Variants in BCAR3 observed in about 807,000 individuals in gnomAD.
The protein encoded by BCAR3 is BCAR3 adaptor protein, NSP family member.
BCAR3 carries 37 observed loss-of-function variants against 80.1 expected under a neutral mutation model. The observed-to-expected ratio is 0.46, with a 90% CI of 0.36 to 0.61. The LOEUF (loss-of-function observed/expected upper bound fraction) is 0.61. Ranked by LOEUF, BCAR3 falls within the 20% of genes least tolerant of loss-of-function variation. BCAR3 has a pLI of 0.00. For synonymous variants in BCAR3, 389 were observed against 418.9 expected, an observed-to-expected ratio of 0.93 and a Z score of 0.87; for missense variants, 978 against 1,068.2, an observed-to-expected ratio of 0.92 and a Z score of 1.18.
At chr1:93,767,779 C>G (rs1652205911) in intron 2 of BCAR3, among the ~76,000 whole-genome samples, 1 of 151,850 alleles carries the variant, frequency 6.6e-6, no homozygotes, top group Admixed American at 6.6e-5. Context: ...ATATGATGTT[C>G]CATTAGGATT....
intron 3 of BCAR3, among the ~76,000 whole-genome samples, chr1:93,601,517 A>C (rs747276109): frequency 4.6e-5 from 7 of 152,218 alleles, no homozygotes; most frequent in Non-Finnish European, 1.0e-4. Flanking sequence ...TAACAAGTAT[A>C]TGTATTAGCG....
chr1:93,695,729 G>A (rs1212597193), intron 3 of BCAR3, among the ~76,000 whole-genome samples: 1 of 152,220 alleles, frequency 6.6e-6, no homozygotes, highest in East Asian at 1.9e-4. Context: ...TGCGCTCCCT[G>A]AGGTTGATAA....
At chr1:93,615,229 G>A (rs1675076165) in intron 3 of BCAR3, among the ~76,000 whole-genome samples, 1 of 152,184 alleles carries the variant, frequency 6.6e-6, no homozygotes, top group South Asian at 2.1e-4. Context: ...AGGGAGGTAT[G>A]AGAAATATCC....
In BCAR3 at chr1:93,783,437, TTC is replaced by T. The variant is rs1652832461; in HGVS notation, c.-63+62128_-63+62129del. Among the ~76,000 whole-genome samples the T allele has an allele frequency of 3.3e-5, 5 of 152,308 alleles. No homozygotes were observed. The East Asian group carries it at 9.6e-4, about 29-fold the overall frequency. On this transcript the variant is annotated intron_variant, in intron 2 of 13. Coordinates refer to the BCAR3 transcript ENST00000370244. ...TCTTGCCCTAGGCTCATGTGCAAAGTTCTATGAGAATGTTCAGAGCAGCTGTA... is the reference window on the plus strand; with the variant it reads ...TCTTGCCCTAGGCTCATGTGCAAAGTTATGAGAATGTTCAGAGCAGCTGTA...
chr1:93,756,152 C>T (rs1056508877), intron 2 of BCAR3, among the ~76,000 whole-genome samples: 10 of 152,194 alleles, frequency 6.6e-5, no homozygotes, highest in Non-Finnish European at 1.2e-4. Context: ...GATCTATAAC[C>T]TAAAAGAACC....
At chr1:93,695,353 C>T (rs1474583710) in intron 3 of BCAR3, among the ~76,000 whole-genome samples, 1 of 152,162 alleles carries the variant, frequency 6.6e-6, no homozygotes, top group Admixed American at 6.5e-5. Flanking sequence ...CCCATGAGGC[C>T]ATCAGGCTCC....
chr1:93,572,554 C>G (rs3754190), intron 8 of BCAR3, among the ~76,000 whole-genome samples: 64,297 of 152,146 alleles, frequency 0.42, 16,107 homozygotes, highest in Non-Finnish European at 0.54. Flanking sequence ...AAACAGGAAG[C>G]AGGGTGATCT....
chr1:93,728,896 G>A (rs942722185), intron 2 of BCAR3, among the ~76,000 whole-genome samples: 1 of 151,652 alleles, frequency 6.6e-6, no homozygotes. Context: ...CATTTGGGCA[G>A]GAAAAAAAAA....
intron 2 of BCAR3, among the ~76,000 whole-genome samples, chr1:93,734,822 C>T (rs1032909941): frequency 6.6e-5 from 10 of 152,136 alleles, no homozygotes; most frequent in East Asian, 5.8e-4. Context: ...TAAGGCAGCA[C>T]GGGGCTTTCT....
At chr1:93,807,418 G>C (rs917309243) in intron 2 of BCAR3, among the ~76,000 whole-genome samples, 2 of 152,160 alleles carry the variant, frequency 1.3e-5, no homozygotes, top group Non-Finnish European at 2.9e-5. Context: ...GAGAATGATG[G>C]GTGTGGGAGT....
intron 11 of BCAR3, among the ~76,000 whole-genome samples, chr1:93,563,496 T>C (rs1362018131): frequency 6.6e-6 from 1 of 152,230 alleles, no homozygotes; most frequent in Non-Finnish European, 1.5e-5. Flanking sequence ...TTGTGAACAC[T>C]TGTGTACAAA....
At chr1:93,735,355 T>A (rs1650937760) in intron 2 of BCAR3, among the ~76,000 whole-genome samples, 1 of 152,178 alleles carries the variant, frequency 6.6e-6, no homozygotes, top group Non-Finnish European at 1.5e-5. Flanking sequence ...ATAAGGACCC[T>A]CCTCTCCCAC....
intron 2 of BCAR3, among the ~76,000 whole-genome samples, chr1:93,720,022 G>A (rs1650337519): frequency 6.6e-6 from 1 of 152,132 alleles, no homozygotes; most frequent in Admixed American, 6.5e-5. Context: ...AATTTTCCTG[G>A]GCACTGGTAT....
Position 93,562,195 on chromosome 1 carries a change from G to A in BCAR3, c.*46C>T. On this transcript the variant is annotated 3_prime_UTR_variant, in exon 12 of 12. Coordinates refer to ENST00000260502, the MANE Select transcript of BCAR3 (RefSeq NM_003567.4). ...AACAGTAAGCTTTCCCAAAGATGAA[G>A]CTGGGGAAACTTGAAAAGATATTCT... 1 of 1,552,228 alleles carries A rather than the reference G, an allele frequency of 6.4e-7. No homozygotes were observed. The highest frequency in any genetic ancestry group is 2.3e-5 in the East Asian group (1 of 44,294).
intron 2 of BCAR3, among the ~76,000 whole-genome samples, chr1:93,833,059 G>A (rs1278800056): frequency 6.6e-6 from 1 of 152,052 alleles, no homozygotes; most frequent in Non-Finnish European, 1.5e-5. Context: ...TTCAATGTAG[G>A]TTCTTTTCTA....
At chr1:93,702,561 TG>T (rs1649682653) in intron 3 of BCAR3, among the ~76,000 whole-genome samples, 1 of 134,924 alleles carries the variant, frequency 7.4e-6, no homozygotes, top group African/African-American at 2.7e-5. Context: ...GGGGTGGGGA[TG>T]GGGGTTGGGG....
intron 2 of BCAR3, among the ~76,000 whole-genome samples, chr1:93,750,950 A>G (rs1169037008): frequency 1.3e-5 from 2 of 152,202 alleles, no homozygotes; most frequent in East Asian, 1.9e-4. Flanking sequence ...TTGATAAAAA[A>G]TAGTTGGGGT....
intron 3 of BCAR3, among the ~76,000 whole-genome samples, chr1:93,702,285 G>A (rs1056161272): frequency 2.4e-4 from 36 of 152,270 alleles, no homozygotes; most frequent in Non-Finnish European, 3.4e-4. Flanking sequence ...TAGGCATGGC[G>A]GGGAGGGGCA....
At chr1:93,722,990 A>G (rs949071859) in intron 2 of BCAR3, among the ~76,000 whole-genome samples, 33 of 152,150 alleles carry the variant, frequency 2.2e-4, no homozygotes, top group African/African-American at 8.0e-4. Context: ...AAGAACAAAG[A>G]AGCAGCCGTG....
Sources: allele counts gnomAD v4.1 joint callset (sites outside exome capture counted in the v4.1 genomes callset), GRCh38; gene constraint gnomAD v4.1.1; transcripts MANE v1.5; gene names NCBI Gene and HGNC (gene_info 2026-07-23, HGNC 2026-07-21).